The following ENTHD1 variants were observed in gnomAD, a reference collection of about 807,000 sequenced individuals.
The protein encoded by ENTHD1 is ENTH domain-containing protein 1.
A neutral mutation model predicts 39.1 loss-of-function variants in ENTHD1; 23 were observed. That is an observed-to-expected ratio of 0.59 (90% confidence interval 0.42 to 0.83). The LOEUF (loss-of-function observed/expected upper bound fraction) is 0.83, where lower values mean the gene tolerates loss of function less well. Ranked by LOEUF, ENTHD1 falls within the 40% of genes least tolerant of loss-of-function variation. The pLI is 0.00. For missense variants in ENTHD1, 624 were observed against 705.4 expected (o/e 0.88, Z 1.31); for synonymous variants, 230 against 258.2 (o/e 0.89, Z 1.05).
chr22:39,828,822 A>T (rs1364547371), intron 4 of ENTHD1, among the ~76,000 whole-genome samples: 1 of 152,226 alleles, frequency 6.6e-6, no homozygotes, highest in Non-Finnish European at 1.5e-5. Flanking sequence ...AAAACAGATC[A>T]TGTCAGTCAT....
intron 5 of ENTHD1, among the ~76,000 whole-genome samples, chr22:39,794,680 T>C (rs2065532650): frequency 1.3e-5 from 2 of 152,074 alleles, no homozygotes; most frequent in South Asian, 4.1e-4. Flanking sequence ...GGCACATGCC[T>C]GTAGTCCCAG....
intron 5 of ENTHD1, among the ~76,000 whole-genome samples, chr22:39,774,950 T>A (rs1243003862): frequency 1.3e-5 from 2 of 152,234 alleles, no homozygotes; most frequent in Non-Finnish European, 2.9e-5. Flanking sequence ...CAGCCTAGAA[T>A]ATCCTCTTCC....
intron 6 of ENTHD1, among the ~76,000 whole-genome samples, chr22:39,754,247 G>A (rs112109399): frequency 6.6e-6 from 1 of 152,310 alleles, no homozygotes; most frequent in African/African-American, 2.4e-5. Flanking sequence ...ATTTGGCCCA[G>A]AGGCTGTAGT....
chr22:39,788,708 A>G (rs936776635), intron 5 of ENTHD1, among the ~76,000 whole-genome samples: 3 of 152,142 alleles, frequency 2.0e-5, no homozygotes, highest in African/African-American at 7.2e-5. Context: ...TGTGAAAGGA[A>G]GAGTCAAATG....
chr22:39,823,635 G>A (rs984000780), intron 4 of ENTHD1, among the ~76,000 whole-genome samples: 19 of 152,114 alleles, frequency 1.2e-4, no homozygotes, highest in African/African-American at 4.6e-4. Context: ...TTACAGGCAT[G>A]TGCCACTGTA....
intron 6 of ENTHD1, among the ~76,000 whole-genome samples, chr22:39,748,424 TTTC>T (rs2065123479): frequency 6.7e-6 from 1 of 149,180 alleles, no homozygotes; most frequent in Non-Finnish European, 1.5e-5. Context: ...ATCATTTTCT[TTTC>T]TTTTTTTTTT....
At chr22:39,853,391 C>T (rs936131187) in intron 3 of ENTHD1, among the ~76,000 whole-genome samples, 5 of 151,848 alleles carry the variant, frequency 3.3e-5, no homozygotes, top group South Asian at 2.1e-4. Context: ...AAAAGTGAGT[C>T]GGGTGTAGTG....
chr22:39,750,641 G>A (rs2065140770), intron 6 of ENTHD1: 1 of 152,572 alleles, frequency 6.6e-6, no homozygotes. Context: ...ATTAGTTTGG[G>A]ACAAATGCCA....
Position 39,835,936 on chromosome 22 carries a change from C to A in ENTHD1, c.615G>T (p.Leu205Phe), listed in dbSNP as rs114100360. 1 of 1,608,122 alleles carries A rather than the reference C, an allele frequency of 6.2e-7. No individual in the cohort carries two copies. Among genetic ancestry groups the A allele is most frequent in the African/African-American group, 1.3e-5 (1 of 74,836 alleles). ...GAACATCTTGGCAATGCTCTTGTTTCAATCCTGCCTTGCACACATTTCCTG... is the reference window on the plus strand; with the variant it reads ...GAACATCTTGGCAATGCTCTTGTTTAAATCCTGCCTTGCACACATTTCCTG... ...HNKRNVCKAG[L>F]KQEHCQDVHL... The change falls in exon 4 of 7, where the codon TTG becomes TTT. Residue 205 changes from leucine (L) to phenylalanine (F), a missense_variant. Transcript: ENST00000325157.
intron 1 of ENTHD1, among the ~76,000 whole-genome samples, chr22:39,888,281 T>TC (rs2066399708): frequency 6.8e-6 from 1 of 146,268 alleles, no homozygotes; most frequent in Non-Finnish European, 1.5e-5. Flanking sequence ...TTTTTTTTTT[T>TC]TCCAAAGACA....
intron 5 of ENTHD1, among the ~76,000 whole-genome samples, chr22:39,804,749 C>A (rs1291442182): frequency 6.6e-6 from 1 of 152,208 alleles, no homozygotes; most frequent in Non-Finnish European, 1.5e-5. Flanking sequence ...TCCCCAAGCA[C>A]AGGCTCCTAA....
intron 5 of ENTHD1, among the ~76,000 whole-genome samples, chr22:39,769,370 A>G (rs2065304165): frequency 6.6e-6 from 1 of 152,202 alleles, no homozygotes; most frequent in Non-Finnish European, 1.5e-5. Context: ...GTCAATAAAG[A>G]GTATATGAAC....
rs2065076944 is a variant in ENTHD1, at chr22:39,743,636, A to G, written c.*43T>C. The stretch of plus-strand genomic sequence containing the variant: ...ACAATGCTAACGTAAGTCTTGGGGA[A>G]GTGGAACCACACGAGTTCTATCAAA... On this transcript the variant is annotated 3_prime_UTR_variant, in exon 7 of 7. Transcript: ENST00000325157. 1 of 1,528,474 alleles carries G rather than the reference A, an allele frequency of 6.5e-7. No homozygotes were observed. Among genetic ancestry groups the G allele is most frequent in the Admixed American group, 2.2e-5 (1 of 46,034 alleles). 94.7% of individuals were successfully genotyped at this position (1,528,474 alleles called of 1,614,324 possible). A position where few individuals can be genotyped will look rare whatever the true frequency, so the allele number is the denominator to read the frequency against.
In ENTHD1 at chr22:39,768,623, C is replaced by T. The variant is rs375161850; in HGVS notation, c.833-3014G>A. ...CACTTAATTATATGCTATTTAGTGC[C>T]TATCACATATCATATTAAGTTCCTG... On this transcript the variant is annotated intron_variant, in intron 5 of 6. Transcript: ENST00000325157. Among the ~76,000 whole-genome samples, 392 of 152,130 alleles carry T rather than the reference C, an allele frequency of 2.6e-3. 1 individual carries two copies. Among genetic ancestry groups the T allele is most frequent in the African/African-American group, 9.0e-3 (374 of 41,502 alleles).
At chr22:39,792,761 T>A (rs2065514816) in intron 5 of ENTHD1, among the ~76,000 whole-genome samples, 1 of 152,172 alleles carries the variant, frequency 6.6e-6, no homozygotes, top group Non-Finnish European at 1.5e-5. Flanking sequence ...ATTGGGTAGT[T>A]ACATCGTTTT....
At chr22:39,758,609 A>G (rs1243312535) in intron 6 of ENTHD1, among the ~76,000 whole-genome samples, 1 of 152,012 alleles carries the variant, frequency 6.6e-6, no homozygotes. Context: ...AATTTTTTGT[A>G]GAGACAGGGT....
At chr22:39,790,389 G>T (rs1402167236) in intron 5 of ENTHD1, among the ~76,000 whole-genome samples, 1 of 152,106 alleles carries the variant, frequency 6.6e-6, no homozygotes, top group Non-Finnish European at 1.5e-5. Flanking sequence ...AGGTAGAGCT[G>T]GTAGGAGAGA....
intron 6 of ENTHD1, among the ~76,000 whole-genome samples, chr22:39,755,075 C>CT (rs2065174467): frequency 6.6e-6 from 1 of 152,198 alleles, no homozygotes; most frequent in African/African-American, 2.4e-5. Context: ...ACTGTGTTTG[C>CT]TGCTGGGGAT....
In ENTHD1 at chr22:39,867,571, A is replaced by G. The variant is rs1207504874; in HGVS notation, c.350-5564T>C. Among the ~76,000 whole-genome samples, 2 of 152,096 alleles carry G rather than the reference A, an allele frequency of 1.3e-5. No individual in the cohort carries two copies. Among genetic ancestry groups the G allele is most frequent in the Non-Finnish European group, 2.9e-5 (2 of 68,022 alleles). ...CTTCATCTTGATTCAGACCTTGATC[A>G]TTTGTTGCCTGTGGTGTCCTAAATT... is the stretch of plus-strand genomic sequence containing the variant. On this transcript the variant is annotated intron_variant, in intron 2 of 6. Coordinates refer to ENST00000325157, the MANE Select transcript of ENTHD1 (RefSeq NM_152512.4). This position sits in a 1 kb window ranked among gnomAD's most constrained non-coding sequence, Gnocchi z 4.5.
Sources: allele counts gnomAD v4.1 joint callset (sites outside exome capture counted in the v4.1 genomes callset), GRCh38; gene constraint gnomAD v4.1.1; non-coding constraint Gnocchi (gnomAD v3.1); transcripts MANE v1.5; gene names NCBI Gene and HGNC (gene_info 2026-07-23, HGNC 2026-07-21).